EPB41L1: variants seen among roughly 807,000 people sequenced by gnomAD.
EPB41L1 encodes band 4.1-like protein 1.
EPB41L1 carries 29 observed loss-of-function variants against 97.8 expected under a neutral mutation model. The ratio of observed to expected loss-of-function variants is 0.30; its 90% confidence interval spans 0.22 to 0.40. EPB41L1 has a LOEUF of 0.40. Ranked by LOEUF, EPB41L1 falls within the 10% of genes least tolerant of loss-of-function variation. The pLI, the probability that EPB41L1 is intolerant of heterozygous loss-of-function variation, is 1.00. For synonymous variants in EPB41L1, 383 were observed against 459.2 expected (o/e 0.83, Z 2.12); for missense variants, 812 against 1,162.3 (o/e 0.70, Z 4.38).
rs189106971 is a variant in EPB41L1 at position 36,112,211 on chromosome 20, A to T, written c.-64-215A>T. On this transcript the variant is annotated intron_variant, in intron 1 of 19. Coordinates refer to the EPB41L1 transcript ENST00000202028. ...AGAGCGAATCTTCTCCTTGGCCTCC[A>T]AGGTCCTTCGCTGCCTGGCCCCTGC... is the stretch of plus-strand genomic sequence containing the variant. Among the ~76,000 whole-genome samples, 8 of 152,250 alleles carry T rather than the reference A, an allele frequency of 5.3e-5. No individual in the cohort carries two copies. The East Asian group carries it at 1.5e-3, about 29-fold the overall frequency.
chr20:36,217,287 T>C (rs2063503416), intron 17 of EPB41L1, among the ~76,000 whole-genome samples: 2 of 152,112 alleles, frequency 1.3e-5, no homozygotes, highest in African/African-American at 4.8e-5. Context: ...GGTGAAGGGA[T>C]AGGGGACTTT....
intron 1 of EPB41L1, chr20:36,155,166 C>T (rs1210956608): frequency 4.4e-6 from 2 of 457,394 alleles, no homozygotes; most frequent in Non-Finnish European, 8.8e-6. Flanking sequence ...CGCTGGGCTC[C>T]CACCGGCTGG....
rs190269554 is a variant in EPB41L1 at position 36,178,123 on chromosome 20, C to T, written c.447+67C>T. On this transcript the variant is annotated intron_variant, in intron 4 of 21. Transcript: ENST00000338074. ...AGGCTCCTGTAATCCTGGCCACCCC[C>T]AACAGCATCCATTAGTGCTCAAATC... 1.1e-5 allele frequency: 13 copies of T among 1,147,560 alleles called. No homozygotes were observed. In the African/African-American group the frequency reaches 2.0e-4, roughly 17 times the overall value. 71.1% of individuals were successfully genotyped at this position (1,147,560 alleles called of 1,614,324 possible).
chr20:36,136,738 G>A (rs1260350706), intron 2 of EPB41L1, among the ~76,000 whole-genome samples: 3 of 147,316 alleles, frequency 2.0e-5, no homozygotes, highest in Non-Finnish European at 4.4e-5. Context: ...GGTGCATACC[G>A]TGGTACCTGA....
chr20:36,185,501 C>T (rs771263842), intron 7 of EPB41L1, among the ~76,000 whole-genome samples, 166 bp downstream of exon 7: 7 of 152,184 alleles, frequency 4.6e-5, no homozygotes, highest in East Asian at 1.9e-4. Flanking sequence ...TAAATAGGAA[C>T]GATAGTGACT....
intron 14 of EPB41L1, among the ~76,000 whole-genome samples, chr20:36,204,130 G>A (rs1408400631): frequency 6.6e-6 from 1 of 152,168 alleles, no homozygotes; most frequent in Non-Finnish European, 1.5e-5. Context: ...CTTTCCACTT[G>A]CTCCCTGTAT....
intron 1 of EPB41L1, among the ~76,000 whole-genome samples, chr20:36,166,721 T>C (rs1395421969): frequency 6.6e-6 from 1 of 152,076 alleles, no homozygotes; most frequent in Non-Finnish European, 1.5e-5. Flanking sequence ...AATAATTAGC[T>C]GGGCGTGGCT....
At chr20:36,125,536 T>A (rs1382723025) in intron 2 of EPB41L1, 1 of 1,534,958 alleles carries the variant, frequency 6.5e-7, no homozygotes, top group Admixed American at 2.0e-5. Flanking sequence ...AGGTGAGCTA[T>A]TATCTTCCAT....
In EPB41L1 at chr20:36,173,888, C is replaced by T. The variant is rs140731421; in HGVS notation, c.111C>T (p.His37=). ...CCACCCCTGTGACCCCTGCAGGCCA[C>T]GGCCACCCAGAGGCCAACTCCAATG... The part of the protein sequence containing the change: ...AVTTPVTPAG[H]GHPEANSNEK... The change falls in exon 2 of 22, where the codon CAC becomes CAT. Residue 37 remains histidine (H), a synonymous_variant. Coordinates refer to ENST00000338074, the MANE Select transcript of EPB41L1 (RefSeq NM_012156.2). 2,709 of 1,613,974 alleles carry T rather than the reference C, an allele frequency of 1.7e-3. 6 individuals carry two copies. Among genetic ancestry groups the T allele is most frequent in the Non-Finnish European group, 2.1e-3 (2,447 of 1,179,926 alleles).
intron 2 of EPB41L1, among the ~76,000 whole-genome samples, chr20:36,130,031 C>G (rs548182952): frequency 1.8e-4 from 27 of 151,678 alleles, no homozygotes; most frequent in African/African-American, 5.6e-4. Context: ...AACCTCCGCC[C>G]CCCAGGTTCA....
intron 2 of EPB41L1, among the ~76,000 whole-genome samples, chr20:36,124,963 T>G (rs1278581903): frequency 6.6e-6 from 1 of 151,986 alleles, no homozygotes; most frequent in Non-Finnish European, 1.5e-5. Flanking sequence ...GATTGGAAAG[T>G]GATGCACTCG....
chr20:36,111,246 A>T (rs1044431167), intron 1 of EPB41L1, among the ~76,000 whole-genome samples: 1 of 152,246 alleles, frequency 6.6e-6, no homozygotes, highest in Non-Finnish European at 1.5e-5. Flanking sequence ...GCCTAAGCTC[A>T]TAAACCACTG....
intron 14 of EPB41L1, among the ~76,000 whole-genome samples, chr20:36,201,247 GC>G (rs1192523343): frequency 6.6e-6 from 1 of 152,216 alleles, no homozygotes; most frequent in African/African-American, 2.4e-5. Flanking sequence ...AGCCTGCATT[GC>G]CTTTGGCCTC....
At chr20:36,138,659 C>A (rs2059512036) in intron 2 of EPB41L1, among the ~76,000 whole-genome samples, 2 of 152,224 alleles carry the variant, frequency 1.3e-5, no homozygotes, top group African/African-American at 4.8e-5. Context: ...TCCCTGCGTC[C>A]ACTCTGAGTA....
intron 17 of EPB41L1, among the ~76,000 whole-genome samples, chr20:36,215,231 C>T (rs2063372483): frequency 6.6e-6 from 1 of 151,892 alleles, no homozygotes. Context: ...AGAGGTAAAG[C>T]GACTTACCCA....
At chr20:36,226,235 C>T (rs1206293567) in intron 21 of EPB41L1, among the ~76,000 whole-genome samples, 1 of 152,186 alleles carries the variant, frequency 6.6e-6, no homozygotes, top group Non-Finnish European at 1.5e-5. Context: ...TGTACTCCTG[C>T]AGAGTCTCAA....
At chr20:36,196,072 A>G (rs1019301709) in intron 13 of EPB41L1, among the ~76,000 whole-genome samples, 3 of 151,790 alleles carry the variant, frequency 2.0e-5, no homozygotes, top group Admixed American at 1.3e-4. Flanking sequence ...ACAGTCACCA[A>G]CTCTTCATCT....
intron 2 of EPB41L1, among the ~76,000 whole-genome samples, chr20:36,120,522 A>G (rs975259488): frequency 5.9e-5 from 9 of 152,138 alleles, no homozygotes; most frequent in African/African-American, 2.2e-4. Flanking sequence ...GGATTTCTGA[A>G]GCTCTAGGCC....
chr20:36,186,650 C>A (rs1370860797), intron 7 of EPB41L1, among the ~76,000 whole-genome samples: 2 of 152,106 alleles, frequency 1.3e-5, no homozygotes, highest in Admixed American at 6.5e-5. Flanking sequence ...GGAGTAGTGG[C>A]CTGCCTGCCA....
Sources: allele counts gnomAD v4.1 joint callset (sites outside exome capture counted in the v4.1 genomes callset), GRCh38; gene constraint gnomAD v4.1.1; transcripts MANE v1.5; gene names NCBI Gene and HGNC (gene_info 2026-07-23, HGNC 2026-07-21).